CACNB2: variants seen among roughly 807,000 people sequenced by gnomAD.
The protein encoded by CACNB2 is voltage-dependent L-type calcium channel subunit beta-2.
A neutral mutation model predicts 73.3 loss-of-function variants in CACNB2; 42 were observed. The ratio of observed to expected loss-of-function variants is 0.57; its 90% CI spans 0.45 to 0.74. The LOEUF is 0.74. CACNB2 is among the 30% of genes least tolerant of loss of function. CACNB2 has a pLI of 0.00. For synonymous variants in CACNB2, 348 were observed against 310.3 expected, an observed-to-expected ratio of 1.12 and a Z score of -1.28; for missense variants, 940 against 853.0, an observed-to-expected ratio of 1.10 and a Z score of -1.27.
At chr10:18,155,182 C>A (rs1437640915) in intron 2 of CACNB2, among the ~76,000 whole-genome samples, 3 of 152,152 alleles carry the variant, frequency 2.0e-5, no homozygotes, top group African/African-American at 7.2e-5. Context: ...CTCACCTGTC[C>A]CCTTTTGGAC....
chr10:18,337,151 C>T (rs1347794540), intron 2 of CACNB2, among the ~76,000 whole-genome samples: 1 of 151,772 alleles, frequency 6.6e-6, no homozygotes, highest in African/African-American at 2.4e-5. Context: ...TCTTTGTAGA[C>T]AGGGTCTCAC....
intron 2 of CACNB2, among the ~76,000 whole-genome samples, chr10:18,298,297 G>A (rs2039360759): frequency 6.6e-6 from 1 of 152,080 alleles, no homozygotes; most frequent in African/African-American, 2.4e-5. Context: ...TGAATCCGGT[G>A]GGGCGGAGGT....
chr10:18,319,658 G>A (rs2040326689), intron 2 of CACNB2, among the ~76,000 whole-genome samples: 1 of 152,026 alleles, frequency 6.6e-6, no homozygotes, highest in African/African-American at 2.4e-5. Context: ...ACAACAAAGG[G>A]AAGGAATTTA....
rs552913217 is a variant in CACNB2, at chr10:18,276,688, C to T, written c.214-125236C>T. Among the ~76,000 whole-genome samples the T allele has an allele frequency of 1.1e-4, 17 of 152,262 alleles. No individual in the cohort carries two copies. The South Asian group carries it at 3.1e-3, about 28-fold the overall frequency. ...CTGACCCCCAGGTTCAAGCGATTATCCTGCCGCAGCCTCCCAAGTAGCTGG... is the reference window on the plus strand; with the variant it reads ...CTGACCCCCAGGTTCAAGCGATTATTCTGCCGCAGCCTCCCAAGTAGCTGG... On this transcript the variant is annotated intron_variant, in intron 2 of 13. Transcript: ENST00000324631.
rs138496431 is a variant in CACNB2, at chr10:18,209,546, C to G, written c.213+58571C>G. 3.2e-4 allele frequency among the ~76,000 whole-genome samples: 49 copies of G among 152,138 alleles called. 1 individual carries two copies. Among genetic ancestry groups the G allele is most frequent in the African/African-American group, 9.2e-4 (38 of 41,506 alleles). On this transcript the variant is annotated intron_variant, in intron 2 of 13. Coordinates refer to ENST00000324631, the MANE Select transcript of CACNB2 (RefSeq NM_201596.3). ...TGTATTACACAGGCAATGAAGGGGT[C>G]TGTTTGAAAATTTGTAAACAGGTTA...
intron 2 of CACNB2, among the ~76,000 whole-genome samples, chr10:18,297,459 G>C (rs1378426886): frequency 2.0e-5 from 3 of 152,186 alleles, no homozygotes; most frequent in Non-Finnish European, 1.5e-5. Flanking sequence ...TCAGGAGGCT[G>C]AGGAAGAAGG....
chr10:18,355,775 A>G (rs1173800234), intron 2 of CACNB2, among the ~76,000 whole-genome samples: 1 of 151,658 alleles, frequency 6.6e-6, no homozygotes, highest in African/African-American at 2.4e-5. Context: ...AGCTGGGATT[A>G]CAGGTGCCTG....
chr10:18,262,104 T>A lies in CACNB2; in HGVS notation c.213+111129T>A, dbSNP rs1447681928. Reference sequence around the variant, plus strand: ...TTTATGCAGGCTGGGCAAACTGCAGTGCTGAATTGCTTAACACTGGTTTGA... The same window carrying A: ...TTTATGCAGGCTGGGCAAACTGCAGAGCTGAATTGCTTAACACTGGTTTGA... On this transcript the variant is annotated intron_variant, in intron 2 of 13. Coordinates refer to ENST00000324631, the MANE Select transcript of CACNB2 (RefSeq NM_201596.3). 15 of 483,740 alleles carry A rather than the reference T, an allele frequency of 3.1e-5. No individual in the cohort carries two copies. In the East Asian group the frequency reaches 7.9e-4, roughly 25 times the overall value. The allele number at this position is 483,740 out of a possible 1,614,324, so 30.0% of individuals were successfully genotyped here.
chr10:18,478,344 A>G (rs926560355), intron 3 of CACNB2, among the ~76,000 whole-genome samples: 2 of 152,252 alleles, frequency 1.3e-5, no homozygotes, highest in Non-Finnish European at 2.9e-5. Context: ...CACCATTCTT[A>G]TATGTTTTGT....
intron 2 of CACNB2, among the ~76,000 whole-genome samples, chr10:18,263,384 G>C (rs1293633559): frequency 6.6e-6 from 1 of 152,076 alleles, no homozygotes; most frequent in African/African-American, 2.4e-5. Flanking sequence ...GGGCTGTCCT[G>C]GTGTCCTTTC....
At chr10:18,464,419 A>AAAAT (rs1491513850) in intron 3 of CACNB2, among the ~76,000 whole-genome samples, 12 of 28,108 alleles carry the variant, frequency 4.3e-4, no homozygotes, top group South Asian at 3.1e-3. Flanking sequence ...CTCAAAAATT[A>AAAAT]AAAAAAAAAA....
intron 2 of CACNB2, among the ~76,000 whole-genome samples, chr10:18,246,082 AG>A (rs2036847963): frequency 6.6e-6 from 1 of 152,064 alleles, no homozygotes; most frequent in African/African-American, 2.4e-5. Flanking sequence ...TCCGAGAGGA[AG>A]AAACCTCAGA....
Position 18,307,983 on chromosome 10 carries a change from C to CATTTTTTTTTTT in CACNB2, c.214-93941_214-93940insATTTTTTTTTTT, listed in dbSNP as rs1356604464. Among the ~76,000 whole-genome samples the CATTTTTTTTTTT allele has an allele frequency of 1.6e-4, 11 of 70,246 alleles. 2 individuals are homozygous for CATTTTTTTTTTT. Among genetic ancestry groups the CATTTTTTTTTTT allele is most frequent in the African/African-American group, 4.2e-4 (7 of 16,764 alleles). The allele number at this position is 70,246 out of a possible 152,430, so 46.1% of individuals were successfully genotyped here. Reference sequence around the variant, plus strand: ...TTAAGTCTAAAATAATATATGCCAACTTTTTTTTTTTTTTTTTTTTTTTTT... The same window carrying CATTTTTTTTTTT: ...TTAAGTCTAAAATAATATATGCCAACATTTTTTTTTTTTTTTTTTTTTTTTTTTTTTTTTTTT... On this transcript the variant is annotated intron_variant, in intron 2 of 13. Transcript: ENST00000324631.
At chr10:18,476,031 ATG>A (rs1377475222) in intron 3 of CACNB2, among the ~76,000 whole-genome samples, 7 of 152,256 alleles carry the variant, frequency 4.6e-5, no homozygotes, top group Non-Finnish European at 1.0e-4. Flanking sequence ...GAGCAGCAGC[ATG>A]GGCTGCTTAA....
chr10:18,182,906 C>T (rs1160122340), intron 2 of CACNB2, among the ~76,000 whole-genome samples: 2 of 151,900 alleles, frequency 1.3e-5, no homozygotes, highest in East Asian at 3.9e-4. Flanking sequence ...TACCCAAATC[C>T]TTTTATCTCA....
chr10:18,256,484 T>C (rs1288559193), intron 2 of CACNB2: 2 of 152,240 alleles, frequency 1.3e-5, no homozygotes, highest in African/African-American at 4.8e-5. Flanking sequence ...CTTTGCTGTG[T>C]CTAAACTCTT....
Position 18,539,429 on chromosome 10 carries a change from G to A in CACNB2, c.1688G>A (p.Arg563Gln), listed in dbSNP as rs766377211. The change falls in exon 14 of 14, where the codon CGA (arginine) becomes CAA (glutamine). Residue 563 changes from arginine to glutamine, a missense_variant. Physicochemically the swap from Arg to Gln is conservative, Grantham distance 43. Coordinates refer to ENST00000324631, the MANE Select transcript of CACNB2 (RefSeq NM_201596.3). The stretch of plus-strand genomic sequence containing the variant: ...TTTGACTCGGAAACCCAGGAGAGTC[G>A]AGACTCTGCCTACGTAGAGCCAAAG... ...ETFDSETQES[R>Q]DSAYVEPKED... 172 of 1,613,820 alleles carry A rather than the reference G, an allele frequency of 1.1e-4. 1 individual carries two copies. In the Admixed American group the frequency reaches 2.5e-3, roughly 23 times the overall value.
chr10:18,224,782 C>T (rs2035926630), intron 2 of CACNB2, among the ~76,000 whole-genome samples: 2 of 152,202 alleles, frequency 1.3e-5, no homozygotes, highest in Non-Finnish European at 2.9e-5. Context: ...CTTTTACGGC[C>T]TGCCGAGCCA....
chr10:18,409,488 C>G (rs533042019), intron 3 of CACNB2, among the ~76,000 whole-genome samples: 1 of 152,268 alleles, frequency 6.6e-6, no homozygotes, highest in East Asian at 1.9e-4. Flanking sequence ...CCAACAAGTT[C>G]AGCTTATCAC....
Sources: gnomAD v4.1 joint callset for allele counts (sites outside exome capture counted in the v4.1 genomes callset) on GRCh38, gnomAD v4.1.1 for gene constraint, MANE v1.5 for transcripts, NCBI Gene and HGNC (gene_info 2026-07-23, HGNC 2026-07-21) for gene names.